The following ANKRD36C variants were observed in gnomAD, a reference collection of about 807,000 sequenced individuals.
ANKRD36C encodes ankyrin repeat domain-containing protein 36C.
ANKRD36C carries 61 observed loss-of-function variants against 276.4 expected under a neutral mutation model. The ratio of observed to expected loss-of-function variants is 0.22; its 90% CI spans 0.18 to 0.27. The LOEUF (loss-of-function observed/expected upper bound fraction) is 0.27, where lower values mean the gene tolerates loss of function less well. Ranked by LOEUF, ANKRD36C falls within the 10% of genes least tolerant of loss-of-function variation. The pLI, the probability that ANKRD36C is intolerant of heterozygous loss-of-function variation, is 1.00. For synonymous variants in ANKRD36C, 483 were observed against 680.1 expected, an observed-to-expected ratio of 0.71 and a Z score of 4.51; for missense variants, 1,447 against 2,032.3, an observed-to-expected ratio of 0.71 and a Z score of 5.54.
intron 40 of ANKRD36C, among the ~76,000 whole-genome samples, chr2:95,912,918 A>T (rs566542806): frequency 2.6e-5 from 4 of 151,516 alleles, no homozygotes; most frequent in African/African-American, 9.7e-5. Context: ...ACTTCAGTTG[A>T]ATGTACACTT....
At chr2:95,926,265 T>C (rs1332748273) in intron 28 of ANKRD36C, among the ~76,000 whole-genome samples, 2 of 151,652 alleles carry the variant, frequency 1.3e-5, no homozygotes, top group African/African-American at 2.4e-5. Flanking sequence ...AAATTTGACA[T>C]ACTTATACAA....
chr2:95,939,739 C>A (rs553613969), intron 20 of ANKRD36C, among the ~76,000 whole-genome samples: 14 of 152,228 alleles, frequency 9.2e-5, no homozygotes, highest in African/African-American at 2.4e-4. Flanking sequence ...ATGTATCATT[C>A]GCTTCTGCTG....
intron 40 of ANKRD36C, among the ~76,000 whole-genome samples, chr2:95,913,414 A>C (rs1237893328): frequency 2.6e-5 from 4 of 151,516 alleles, no homozygotes; most frequent in Non-Finnish European, 4.4e-5. Context: ...TTTATAACTA[A>C]AATCAACAAA....
chr2:95,891,302 T>A (rs1676347824), intron 46 of ANKRD36C, among the ~76,000 whole-genome samples: 1 of 151,506 alleles, frequency 6.6e-6, no homozygotes, highest in Non-Finnish European at 1.5e-5. Context: ...CTGTCTTTTC[T>A]TGGCAGTACA....
intron 28 of ANKRD36C, among the ~76,000 whole-genome samples, chr2:95,926,659 C>G (rs1677409910): frequency 6.6e-6 from 1 of 151,642 alleles, no homozygotes; most frequent in South Asian, 2.1e-4. Context: ...ATCAAAGCTT[C>G]TTTTACAAAA....
Position 95,948,681 on chromosome 2 carries a change from C to A in ANKRD36C, c.1296-85G>T, listed in dbSNP as rs1299043482. 18 of 1,233,322 alleles carry A rather than the reference C, an allele frequency of 1.5e-5. No individual in the cohort carries two copies. In the Admixed American group the frequency reaches 4.2e-4, roughly 29 times the overall value. The allele number at this position is 1,233,322 out of a possible 1,614,324, so 76.4% of individuals were successfully genotyped here. A position where few individuals can be genotyped will look rare whatever the true frequency, so the allele number is the denominator to read the frequency against. ...ACCGTCAGTCTATACATGCAGGTCC[C>A]CTCCAAAACAAATGGTAAAACAAAG... On this transcript the variant is annotated intron_variant, in intron 16 of 66. Coordinates refer to ENST00000456556, the Ensembl canonical transcript of ANKRD36C.
At chr2:95,883,738 C>G (rs548659737) in intron 54 of ANKRD36C, among the ~76,000 whole-genome samples, 2 of 152,212 alleles carry the variant, frequency 1.3e-5, no homozygotes, top group South Asian at 4.1e-4. Context: ...AAAGTAATTT[C>G]TACATCAGCG....
chr2:95,869,376 A>G (rs1346141281), intron 59 of ANKRD36C, among the ~76,000 whole-genome samples: 3 of 152,230 alleles, frequency 2.0e-5, no homozygotes, highest in Non-Finnish European at 4.4e-5. Context: ...GTGGTACTAT[A>G]AAGGCAGTCA....
At chr2:95,912,046 G>C (rs1370601623) in intron 42 of ANKRD36C, among the ~76,000 whole-genome samples, 198 bp downstream of exon 44, 2 of 151,372 alleles carry the variant, frequency 1.3e-5, no homozygotes, top group African/African-American at 4.8e-5. Flanking sequence ...TGCAATGTGG[G>C]GATGTGTATA....
At chr2:95,967,398 C>A (rs546550233) in intron 6 of ANKRD36C, among the ~76,000 whole-genome samples, 1 of 152,310 alleles carries the variant, frequency 6.6e-6, no homozygotes, top group South Asian at 2.1e-4. Context: ...AGCTCATCAT[C>A]ACTGATCATT....
chr2:95,946,086 A>G (rs1318872343), intron 17 of ANKRD36C, among the ~76,000 whole-genome samples: 1 of 148,858 alleles, frequency 6.7e-6, no homozygotes, highest in Non-Finnish European at 1.5e-5. Context: ...CATCCCAAGA[A>G]TTAACCATGA....
chr2:95,935,243 A>G (rs781554322), intron 24 of ANKRD36C, among the ~76,000 whole-genome samples: 13 of 152,124 alleles, frequency 8.5e-5, no homozygotes, highest in Non-Finnish European at 1.3e-4. Context: ...TAAAAGGAAA[A>G]GCATCTGAGC....
intron 13 of ANKRD36C, among the ~76,000 whole-genome samples, chr2:95,954,963 A>G (rs933927490): frequency 1.1e-4 from 16 of 152,234 alleles, no homozygotes; most frequent in Non-Finnish European, 1.8e-4. Context: ...ATGGGCTAAC[A>G]TAATTGAGAG....
At chr2:95,969,521 C>T (rs576551126) in intron 6 of ANKRD36C, among the ~76,000 whole-genome samples, 2 of 152,266 alleles carry the variant, frequency 1.3e-5, no homozygotes, top group African/African-American at 4.8e-5. Flanking sequence ...AGATGTGAAT[C>T]GTCCCTTTGT....
intron 61 of ANKRD36C, among the ~76,000 whole-genome samples, chr2:95,859,474 T>C (rs1033894582): frequency 5.3e-5 from 8 of 152,182 alleles, no homozygotes; most frequent in South Asian, 2.1e-4. Context: ...AAAAAGTTTC[T>C]ATACTTTAAC....
intron 26 of ANKRD36C, among the ~76,000 whole-genome samples, chr2:95,927,864 G>A (rs78468626): frequency 2.6e-5 from 4 of 151,634 alleles, no homozygotes; most frequent in African/African-American, 4.8e-5. Context: ...ACACAATTAC[G>A]ATGACAATTC....
At chr2:95,984,460 A>G (rs1678988775) in intron 3 of ANKRD36C, among the ~76,000 whole-genome samples, 1 of 152,198 alleles carries the variant, frequency 6.6e-6, no homozygotes, top group Admixed American at 6.5e-5. Context: ...AACTAAACAC[A>G]TCTATGGGAC....
intron 39 of ANKRD36C, 34 bp from the exon 42 acceptor site, chr2:95,914,214 T>G (rs748464437): frequency 1.2e-5 from 19 of 1,565,746 alleles, no homozygotes; most frequent in Admixed American, 1.9e-5. Flanking sequence ...AATAAGTTAA[T>G]AAAGTATGTT....
chr2:95,861,303 A>G (rs2104271104), intron 60 of ANKRD36C, among the ~76,000 whole-genome samples: 1 of 152,214 alleles, frequency 6.6e-6, no homozygotes, highest in Non-Finnish European at 1.5e-5. Flanking sequence ...CAAAGGAAAA[A>G]TTCCTAAATT....
Sources: gnomAD v4.1 joint callset for allele counts (sites outside exome capture counted in the v4.1 genomes callset) on GRCh38, gnomAD v4.1.1 for gene constraint, MANE v1.5 for transcripts, NCBI Gene and HGNC (gene_info 2026-07-23, HGNC 2026-07-21) for gene names.